Variants in EHBP1 observed in about 807,000 individuals in gnomAD.
EHBP1 encodes EH domain binding protein 1.
A neutral mutation model predicts 144.0 loss-of-function variants in EHBP1; 55 were observed. The observed-to-expected ratio is 0.38, with a 90% CI of 0.31 to 0.48. EHBP1 has a LOEUF of 0.48. Among genes scored for constraint, EHBP1 ranks in the 20% least tolerant of loss-of-function variants. EHBP1 has a pLI of 0.98. For missense variants in EHBP1, 1,200 were observed against 1,364.2 expected, an observed-to-expected ratio of 0.88 and a Z score of 1.90; for synonymous variants, 469 against 472.7, an observed-to-expected ratio of 0.99 and a Z score of 0.10.
At chr2:62,830,211 T>TACACACACACATATATATACACATATAC (rs1558748385) in intron 6 of EHBP1, among the ~76,000 whole-genome samples, 1 of 146,014 alleles carries the variant, frequency 6.8e-6, no homozygotes, top group Non-Finnish European at 1.5e-5. Context: ...TATACACATA[T>TACACACACACATATATATACACATATAC]ACACACACAC....
intron 2 of EHBP1, among the ~76,000 whole-genome samples, chr2:62,731,765 G>T (rs139614242): frequency 6.6e-6 from 1 of 152,258 alleles, no homozygotes; most frequent in Non-Finnish European, 1.5e-5. Flanking sequence ...TGCATACATA[G>T]AATCCAATTT....
chr2:62,736,714 C>T (rs974483076), intron 2 of EHBP1, among the ~76,000 whole-genome samples: 7 of 152,174 alleles, frequency 4.6e-5, no homozygotes, highest in Non-Finnish European at 1.0e-4. Flanking sequence ...TTCCATCTCT[C>T]TGCTTACTTT....
chr2:63,040,655 G>A (rs1004909162), intron 21 of EHBP1, among the ~76,000 whole-genome samples: 24 of 152,284 alleles, frequency 1.6e-4, no homozygotes, highest in African/African-American at 5.3e-4. Flanking sequence ...ATATATGACT[G>A]TGCCTTAAAT....
chr2:62,967,290 C>T (rs1424078753), intron 14 of EHBP1, among the ~76,000 whole-genome samples: 4 of 152,170 alleles, frequency 2.6e-5, no homozygotes, highest in Non-Finnish European at 5.9e-5. Flanking sequence ...TACAGCGGCT[C>T]AGACCACATT....
intron 8 of EHBP1, 81 bp from the exon 9 acceptor site, chr2:62,864,650 A>T (rs1330335552): frequency 1.5e-6 from 2 of 1,339,284 alleles, no homozygotes; most frequent in Non-Finnish European, 2.1e-6. Flanking sequence ...TCAATAATGC[A>T]TATATTTGAG....
chr2:62,998,486 C>A (rs2059726481), intron 19 of EHBP1, among the ~76,000 whole-genome samples: 1 of 152,096 alleles, frequency 6.6e-6, no homozygotes, highest in Non-Finnish European at 1.5e-5. Context: ...AACTTAACCA[C>A]CTTCCCTGAT....
chr2:62,876,265 G>A (rs2050880657), intron 10 of EHBP1, among the ~76,000 whole-genome samples: 1 of 152,126 alleles, frequency 6.6e-6, no homozygotes, highest in African/African-American at 2.4e-5. Context: ...ACTCCACCAG[G>A]CTAACCACAG....
rs150495731 is a variant in EHBP1 at position 62,859,268 on chromosome 2, C to T, written c.734C>T (p.Pro245Leu). Residue 245 changes from proline (P) to leucine (L), a missense_variant, in exon 8 of 23, where the codon CCA becomes CTA. By Grantham distance (98) the Pro-to-Leu change is moderately conservative (BLOSUM62 -3). This residue lies in a region of EHBP1 where 266 missense variants were observed against 262.4 expected (regional missense o/e 1.01). Transcript: ENST00000431489. Reference sequence around the variant, plus strand: ...GATCCTGATGCTGCAGAATTAAATCCATTTGGAGATCCTGACTCAGAAGGT... The same window carrying T: ...GATCCTGATGCTGCAGAATTAAATCTATTTGGAGATCCTGACTCAGAAGGT... ...FDDPDAAELN[P>L]FGDPDSEEPI... The T allele has an allele frequency of 7.5e-6, 12 of 1,604,288 alleles. No individual in the cohort carries two copies. The African/African-American group carries it at 8.0e-5, about 11-fold the overall frequency.
chr2:62,694,541 A>C (rs2931488), intron 1 of EHBP1, among the ~76,000 whole-genome samples: 26,769 of 151,836 alleles, frequency 0.18, 2,489 homozygotes, highest in Middle Eastern at 0.24. Flanking sequence ...AAAACTAGAT[A>C]ATAATGGAAA....
chr2:62,994,961 CAGTA>C (rs1333902438), intron 18 of EHBP1, among the ~76,000 whole-genome samples: 3 of 152,128 alleles, frequency 2.0e-5, no homozygotes, highest in Non-Finnish European at 4.4e-5. Context: ...CTGAACCAAT[CAGTA>C]AGAGCAATGA....
chr2:63,045,269 G>A lies in EHBP1; in HGVS notation c.3392+89G>A. The A allele has an allele frequency of 7.0e-7, 1 of 1,422,246 alleles. No individual in the cohort carries two copies. Among genetic ancestry groups the A allele is most frequent in the Non-Finnish European group, 9.7e-7 (1 of 1,031,806 alleles). The allele number at this position is 1,422,246 out of a possible 1,614,324, so 88.1% of individuals were successfully genotyped here. ...AAAGTTCAATCCAGAGGTCGCGGGA[G>A]GGCCGGGGCAGCCTCCCACTGGCCT... On this transcript the variant is annotated intron_variant, in intron 22 of 22. Coordinates refer to ENST00000431489, the MANE Select transcript of EHBP1 (RefSeq NM_001142616.3). This position sits in a 1 kb window ranked among gnomAD's most constrained non-coding sequence, Gnocchi z 5.7.
At chr2:62,838,068 A>T (rs2047441893) in intron 7 of EHBP1, among the ~76,000 whole-genome samples, 1 of 151,036 alleles carries the variant, frequency 6.6e-6, no homozygotes, top group Non-Finnish European at 1.5e-5. Flanking sequence ...CACCTATTCC[A>T]AAATTGACCA....
At chr2:62,733,883 T>A (rs1351144981) in intron 2 of EHBP1, among the ~76,000 whole-genome samples, 1 of 152,216 alleles carries the variant, frequency 6.6e-6, no homozygotes, top group Admixed American at 6.5e-5. Flanking sequence ...CTTACTCTGG[T>A]ACTGTGGAGC....
intron 15 of EHBP1, among the ~76,000 whole-genome samples, chr2:62,985,206 A>G (rs1485073249): frequency 6.6e-6 from 1 of 152,110 alleles, no homozygotes; most frequent in Non-Finnish European, 1.5e-5. Context: ...CTCCAGTCCA[A>G]CATTTAGGTC....
intron 5 of EHBP1, among the ~76,000 whole-genome samples, chr2:62,813,229 A>C (rs774812919): frequency 6.6e-6 from 1 of 152,208 alleles, no homozygotes; most frequent in African/African-American, 2.4e-5. Context: ...AGGCCAAGGT[A>C]CTGCTTGTGC....
At chr2:62,845,803 A>T (rs2048253062) in intron 7 of EHBP1, among the ~76,000 whole-genome samples, 1 of 152,126 alleles carries the variant, frequency 6.6e-6, no homozygotes, top group Non-Finnish European at 1.5e-5. Flanking sequence ...AATTTTGTTT[A>T]AATAAAAATT....
At chr2:62,958,757 T>C (rs2057848460) in intron 14 of EHBP1, among the ~76,000 whole-genome samples, 1 of 152,188 alleles carries the variant, frequency 6.6e-6, no homozygotes, top group African/African-American at 2.4e-5. Context: ...ATACGTAGTA[T>C]GCTAAGAATA....
chr2:62,816,573 G>C (rs1025731181), intron 5 of EHBP1, among the ~76,000 whole-genome samples: 1 of 152,166 alleles, frequency 6.6e-6, no homozygotes, highest in Non-Finnish European at 1.5e-5. Context: ...GATATATGCT[G>C]TTTACAAGAG....
chr2:62,678,920 C>A (rs2033410517), intron 1 of EHBP1, among the ~76,000 whole-genome samples: 1 of 151,860 alleles, frequency 6.6e-6, no homozygotes, highest in African/African-American at 2.4e-5. Flanking sequence ...TATTTTAAAG[C>A]CATGTTAATT....
Sources: allele counts gnomAD v4.1 joint callset (sites outside exome capture counted in the v4.1 genomes callset), GRCh38; gene constraint gnomAD v4.1.1; regional missense constraint gnomAD v4.1.1; non-coding constraint Gnocchi (gnomAD v3.1); transcripts MANE v1.5; gene names NCBI Gene and HGNC (gene_info 2026-07-23, HGNC 2026-07-21).